EPB41L5: variants seen among roughly 807,000 people sequenced by gnomAD.
EPB41L5 encodes band 4.1-like protein 5.
EPB41L5 carries 55 observed loss-of-function variants against 106.6 expected under a neutral mutation model. That is an observed-to-expected ratio of 0.52 (90% CI 0.42 to 0.65). EPB41L5 has a LOEUF of 0.65. Ranked by LOEUF, EPB41L5 falls within the 30% of genes least tolerant of loss-of-function variation. EPB41L5 has a pLI of 0.00. For synonymous variants in EPB41L5, 297 were observed against 306.7 expected (o/e 0.97, Z 0.33); for missense variants, 871 against 882.1 (o/e 0.99, Z 0.16).
intron 11 of EPB41L5, among the ~76,000 whole-genome samples, chr2:120,088,919 T>A (rs1683236183): frequency 6.6e-6 from 1 of 152,158 alleles, no homozygotes; most frequent in South Asian, 2.1e-4. Context: ...TTCTATTAGG[T>A]CATGTGCCTT....
intron 24 of EPB41L5, among the ~76,000 whole-genome samples, chr2:120,172,967 A>G (rs1289013462): frequency 1.3e-5 from 2 of 152,154 alleles, no homozygotes; most frequent in Non-Finnish European, 2.9e-5. Flanking sequence ...AGATTTGTAT[A>G]GAAAACTGAG....
chr2:120,074,504 AAAT>A (rs1451894628), intron 5 of EPB41L5: 1 of 185,586 alleles, frequency 5.4e-6, no homozygotes, highest in Non-Finnish European at 1.1e-5. Context: ...TTGATGTTGA[AAAT>A]AATCTATCTT....
chr2:120,080,111 T>C lies in EPB41L5; in HGVS notation c.803+1530T>C, dbSNP rs1189296094. Among the ~76,000 whole-genome samples the C allele has an allele frequency of 2.0e-5, 3 of 151,832 alleles. No individual in the cohort carries two copies. In the South Asian group the frequency reaches 6.2e-4, roughly 32 times the overall value. ...CAAAAAATTGAAAGTAGTATTTCTT[T>C]TTTTTTTTTTATTATACTTTAAGTT... On this transcript the variant is annotated intron_variant, in intron 10 of 24. Transcript: ENST00000263713.
At chr2:120,034,794 G>A (rs1256458001) in intron 2 of EPB41L5, among the ~76,000 whole-genome samples, 1 of 152,196 alleles carries the variant, frequency 6.6e-6, no homozygotes, top group Non-Finnish European at 1.5e-5. Flanking sequence ...AAGACCTGGA[G>A]GTCAAGGCTG....
At chr2:120,168,077 ATC>A in intron 24 of EPB41L5, 70 bp downstream of exon 24, 1 of 1,536,470 alleles carries the variant, frequency 6.5e-7, no homozygotes. Flanking sequence ...AAAACTTATT[ATC>A]TCTAAAGCAG....
In EPB41L5 at chr2:120,161,053, A is replaced by G. The variant is rs1161817489; in HGVS notation, c.1887+79A>G. On this transcript the variant is annotated intron_variant, in intron 21 of 24. Coordinates refer to ENST00000263713, the MANE Select transcript of EPB41L5 (RefSeq NM_020909.4). Reference sequence around the variant, plus strand: ...TCTTGCAGTATAACCAAGGGCATCTAGTGATTACTGAGTGACACTGGGACT... The same window carrying G: ...TCTTGCAGTATAACCAAGGGCATCTGGTGATTACTGAGTGACACTGGGACT... 7.2e-6 allele frequency: 7 copies of G among 977,684 alleles called. No individual in the cohort carries two copies. The African/African-American group carries it at 1.1e-4, about 16-fold the overall frequency. 60.6% of individuals were successfully genotyped at this position (977,684 alleles called of 1,614,324 possible).
At chr2:120,069,239 G>A (rs1681688234) in intron 3 of EPB41L5, among the ~76,000 whole-genome samples, 1 of 150,508 alleles carries the variant, frequency 6.6e-6, no homozygotes, top group South Asian at 2.1e-4. Flanking sequence ...ACAAAGAAGG[G>A]CATGGTAAAG....
chr2:120,143,238 T>G (rs1686263045), intron 19 of EPB41L5, 107 bp downstream of exon 19: 3 of 1,239,062 alleles, frequency 2.4e-6, no homozygotes. Context: ...AATGGTGCAG[T>G]CAGGGAGTTA....
rs866176004 is a variant in EPB41L5, at chr2:120,163,194, G to C, written c.1888-1642G>C. Among the ~76,000 whole-genome samples the C allele has an allele frequency of 2.0e-5, 3 of 151,434 alleles. No individual in the cohort carries two copies. In the South Asian group the frequency reaches 6.3e-4, roughly 32 times the overall value. On this transcript the variant is annotated intron_variant, in intron 21 of 24. Coordinates refer to ENST00000263713, the MANE Select transcript of EPB41L5 (RefSeq NM_020909.4). ...AGTGTAAGCCCAGGAAATTCAGGCT[G>C]CAGTGAGCTATGATTGTACCATTAC...
intron 3 of EPB41L5, among the ~76,000 whole-genome samples, chr2:120,071,796 T>C (rs1344142287): frequency 1.3e-5 from 2 of 152,100 alleles, no homozygotes; most frequent in Non-Finnish European, 2.9e-5. Context: ...ATTAAAGACT[T>C]AAACGTGTAA....
chr2:120,132,185 A>G (rs10207129), intron 18 of EPB41L5, among the ~76,000 whole-genome samples: 4 of 152,186 alleles, frequency 2.6e-5, no homozygotes, highest in Non-Finnish European at 4.4e-5. Context: ...AATTACACCA[A>G]TCAAGCTTCA....
At chr2:120,165,498 T>C (rs974517240) in intron 22 of EPB41L5, among the ~76,000 whole-genome samples, 4 of 152,234 alleles carry the variant, frequency 2.6e-5, no homozygotes, top group Non-Finnish European at 4.4e-5. Context: ...TATATTGTAT[T>C]GTTTAGGAAA....
intron 3 of EPB41L5, among the ~76,000 whole-genome samples, chr2:120,068,087 T>C (rs952206014): frequency 2.0e-5 from 3 of 152,050 alleles, no homozygotes; most frequent in Admixed American, 6.6e-5. Context: ...ACCCAGCTCA[T>C]CTCATTGGGG....
intron 10 of EPB41L5, among the ~76,000 whole-genome samples, chr2:120,084,336 T>C (rs1283954567): frequency 6.6e-6 from 1 of 152,228 alleles, no homozygotes; most frequent in Non-Finnish European, 1.5e-5. Context: ...ACAAAATCTC[T>C]CAGCATTTGC....
chr2:120,120,292 C>T (rs768341753), intron 16 of EPB41L5, among the ~76,000 whole-genome samples: 6 of 151,764 alleles, frequency 4.0e-5, no homozygotes, highest in African/African-American at 7.3e-5. Flanking sequence ...ACTAGCCAGG[C>T]GTAGTGGCAC....
At chr2:120,147,910 A>G (rs1686480198) in intron 20 of EPB41L5, among the ~76,000 whole-genome samples, 1 of 152,162 alleles carries the variant, frequency 6.6e-6, no homozygotes, top group Non-Finnish European at 1.5e-5. Flanking sequence ...TTTGAAATAT[A>G]CTAGGTTCTT....
chr2:120,085,196 C>T (rs1391306068), intron 10 of EPB41L5, among the ~76,000 whole-genome samples: 1 of 152,174 alleles, frequency 6.6e-6, no homozygotes, highest in Non-Finnish European at 1.5e-5. Context: ...GGGAGAGGCG[C>T]TCTGATTTTT....
intron 16 of EPB41L5, among the ~76,000 whole-genome samples, chr2:120,126,037 C>T (rs1574718504): frequency 2.0e-5 from 3 of 152,224 alleles, no homozygotes; most frequent in Admixed American, 2.0e-4. Context: ...GTATCTGTGT[C>T]CAAATTTCCC....
Position 120,167,498 on chromosome 2 carries a change from G to C in EPB41L5, c.1995G>C (p.Trp665Cys), listed in dbSNP as rs1687468390. The C allele has an allele frequency of 6.2e-7, 1 of 1,613,814 alleles. No homozygotes were observed. The highest frequency in any genetic ancestry group is 8.5e-7 in the Non-Finnish European group (1 of 1,179,838). The change falls in exon 23 of 25, where the codon TGG becomes TGC. Residue 665 changes from tryptophan (W) to cysteine (C), a missense_variant. Physicochemically the swap from Trp to Cys is radical, Grantham distance 215 (BLOSUM62 -2). Coordinates refer to ENST00000263713, the MANE Select transcript of EPB41L5 (RefSeq NM_020909.4). ...CCACATCCATGATCACACCCCGGTGGATTGTTCCGGTAAGTTCATGTTATT... is the reference window on the plus strand; with the variant it reads ...CCACATCCATGATCACACCCCGGTGCATTGTTCCGGTAAGTTCATGTTATT... ...VSSTSMITPR[W>C]IVPQSGAMSN...
Sources: allele counts gnomAD v4.1 joint callset (sites outside exome capture counted in the v4.1 genomes callset), GRCh38; gene constraint gnomAD v4.1.1; transcripts MANE v1.5; gene names NCBI Gene and HGNC (gene_info 2026-07-23, HGNC 2026-07-21).